TRDN: variants seen among roughly 807,000 people sequenced by gnomAD.
TRDN encodes triadin in skeletal muscle.
Under a neutral mutation model 149.7 loss-of-function variants are expected in TRDN, and 161 were observed. The ratio of observed to expected loss-of-function variants is 1.08; its 90% CI spans 0.95 to 1.23. The LOEUF is 1.23. Ranked by LOEUF, TRDN falls within the 50% of genes most tolerant of loss-of-function variation. The pLI is 0.00. For synonymous variants in TRDN, 294 were observed against 250.5 expected, an observed-to-expected ratio of 1.17 and a Z score of -1.64; for missense variants, 896 against 823.5, an observed-to-expected ratio of 1.09 and a Z score of -1.08.
chr6:123,442,721 G>A (rs1234289922), intron 10 of TRDN, among the ~76,000 whole-genome samples: 3 of 151,934 alleles, frequency 2.0e-5, no homozygotes, highest in African/African-American at 7.3e-5. Flanking sequence ...ATCTTTTTAG[G>A]TAATTTTTTA....
rs9490706 is a variant in TRDN at position 123,224,356 on chromosome 6, G to C, written c.1976-225C>G. On this transcript the variant is annotated intron_variant, in intron 38 of 40. Transcript: ENST00000334268. Reference sequence around the variant, plus strand: ...GTGCTGCACTATGGTAATCAGGCTGGTAAAGGTTACTTAGGGAAAAGGCTT... The same window carrying C: ...GTGCTGCACTATGGTAATCAGGCTGCTAAAGGTTACTTAGGGAAAAGGCTT... Among the ~76,000 whole-genome samples, 5,325 of 151,736 alleles carry C rather than the reference G, an allele frequency of 0.035. 322 individuals are homozygous for C. The highest frequency in any genetic ancestry group is 0.12 in the African/African-American group (5,086 of 41,406).
Position 123,636,896 on chromosome 6 carries a change from T to C in TRDN, c.-121A>G. ...TGTCAAAACCTGGGGGCTCTTCGTT[T>C]TCCTGGCTGTTTCTGCTGCTTCTTT... On this transcript the variant is annotated 5_prime_UTR_variant, in exon 1 of 41. Coordinates refer to ENST00000334268, the MANE Select transcript of TRDN (RefSeq NM_006073.4). 8.9e-7 allele frequency: 1 copy of C among 1,127,430 alleles called. No homozygotes were observed. The highest frequency in any genetic ancestry group is 1.3e-6 in the Non-Finnish European group (1 of 756,356). 69.8% of individuals were successfully genotyped at this position (1,127,430 alleles called of 1,614,324 possible). A position where few individuals can be genotyped will look rare whatever the true frequency, so the allele number is the denominator to read the frequency against.
intron 1 of TRDN, among the ~76,000 whole-genome samples, chr6:123,571,711 G>A (rs1045330682): frequency 1.4e-4 from 21 of 151,678 alleles, no homozygotes; most frequent in African/African-American, 7.3e-5. Context: ...TATTTTGCAC[G>A]TATATTTCTG....
At chr6:123,629,898 C>T (rs1219726362) in intron 1 of TRDN, among the ~76,000 whole-genome samples, 1 of 152,052 alleles carries the variant, frequency 6.6e-6, no homozygotes, top group Non-Finnish European at 1.5e-5. Context: ...AAATTACTAT[C>T]TGTTTGGACC....
chr6:123,515,287 A>C (rs1449689932), intron 6 of TRDN, among the ~76,000 whole-genome samples: 1 of 152,038 alleles, frequency 6.6e-6, no homozygotes, highest in Non-Finnish European at 1.5e-5. Context: ...TGAATGTGAA[A>C]TTCAGTAAAG....
At position 123,261,904 on chromosome 6, in the gene TRDN, T is replaced by A. The variant is rs75997423; in HGVS notation, c.1805-1266A>T. Among the ~76,000 whole-genome samples, 1,262 of 152,048 alleles carry A rather than the reference T, an allele frequency of 8.3e-3. 27 individuals are homozygous for A. The highest frequency in any genetic ancestry group is 0.079 in the East Asian group (410 of 5,174). On this transcript the variant is annotated intron_variant, in intron 33 of 40. Coordinates refer to ENST00000334268, the MANE Select transcript of TRDN (RefSeq NM_006073.4). Reference sequence around the variant, plus strand: ...CTGTACTTAATGTTTAAAATTGGCATTGAATCCATTATGAAGTAGCCTGTA... The same window carrying A: ...CTGTACTTAATGTTTAAAATTGGCAATGAATCCATTATGAAGTAGCCTGTA...
intron 4 of TRDN, among the ~76,000 whole-genome samples, chr6:123,536,045 C>T (rs1428826000): frequency 6.6e-6 from 1 of 152,070 alleles, no homozygotes; most frequent in Non-Finnish European, 1.5e-5. Flanking sequence ...ACTTCATTTC[C>T]TCATCCATAA....
chr6:123,327,133 T>C (rs924599839), intron 23 of TRDN, among the ~76,000 whole-genome samples: 1 of 151,884 alleles, frequency 6.6e-6, no homozygotes, highest in Non-Finnish European at 1.5e-5. Context: ...ACAAGTGTGG[T>C]TTTCCATTTA....
At chr6:123,227,674 T>C (rs1474808582) in intron 38 of TRDN, among the ~76,000 whole-genome samples, 1 of 152,008 alleles carries the variant, frequency 6.6e-6, no homozygotes, top group African/African-American at 2.4e-5. Flanking sequence ...ATTTCATATG[T>C]GTTAACACGT....
At chr6:123,252,874 T>A (rs1345625422) in intron 37 of TRDN, among the ~76,000 whole-genome samples, 1 of 152,130 alleles carries the variant, frequency 6.6e-6, no homozygotes, top group Non-Finnish European at 1.5e-5. Context: ...CACAAAATAT[T>A]TATGCTTTTA....
At chr6:123,268,479 T>C (rs1434646777) in intron 31 of TRDN, among the ~76,000 whole-genome samples, 19 of 152,096 alleles carry the variant, frequency 1.2e-4, no homozygotes, top group Admixed American at 1.2e-3. Context: ...TGGGATATCT[T>C]GAATGGGATT....
chr6:123,223,950 TA>T, intron 39 of TRDN, 142 bp downstream of exon 39: 1 of 626,602 alleles, frequency 1.6e-6, no homozygotes, highest in African/African-American at 1.9e-5. Context: ...CTGTTTGCTT[TA>T]AAAATAAGCC....
chr6:123,469,481 G>T (rs1777027647), intron 9 of TRDN, among the ~76,000 whole-genome samples: 1 of 152,152 alleles, frequency 6.6e-6, no homozygotes, highest in Non-Finnish European at 1.5e-5. Flanking sequence ...ATTAAACAAA[G>T]ACCTCTCCAA....
chr6:123,607,646 T>A (rs1374660950), intron 1 of TRDN, among the ~76,000 whole-genome samples: 1 of 152,204 alleles, frequency 6.6e-6, no homozygotes, highest in African/African-American at 2.4e-5. Context: ...ATGCTCTCCA[T>A]ATAGAAATTA....
chr6:123,359,334 T>C (rs1209684139), intron 20 of TRDN, among the ~76,000 whole-genome samples: 1 of 152,182 alleles, frequency 6.6e-6, no homozygotes, highest in South Asian at 2.1e-4. Context: ...GAAAAGGATA[T>C]AGGAGCCAGT....
intron 19 of TRDN, among the ~76,000 whole-genome samples, chr6:123,373,006 A>G (rs1294894155): frequency 7.5e-6 from 1 of 133,480 alleles, no homozygotes; most frequent in African/African-American, 2.6e-5. Context: ...CTTCATCCAC[A>G]CCACACCCTG....
At chr6:123,349,518 T>A (rs142495879) in intron 21 of TRDN, 1 of 898,924 alleles carries the variant, frequency 1.1e-6, no homozygotes, top group Admixed American at 6.2e-5. Flanking sequence ...GTCAACAGCA[T>A]GACTTAGTCA....
chr6:123,400,184 T>TATATATATAC (rs1440589796), intron 12 of TRDN, among the ~76,000 whole-genome samples: 3 of 147,292 alleles, frequency 2.0e-5, no homozygotes, highest in African/African-American at 7.4e-5. Flanking sequence ...TATATATATA[T>TATATATATAC]ATATAAACAC....
chr6:123,282,357 A>G (rs1018452786), intron 24 of TRDN, among the ~76,000 whole-genome samples: 9 of 151,930 alleles, frequency 5.9e-5, no homozygotes, highest in Non-Finnish European at 1.0e-4. Flanking sequence ...TTTATACCAA[A>G]TTTCTTCCTA....
Sources: gnomAD v4.1 joint callset for allele counts (sites outside exome capture counted in the v4.1 genomes callset) on GRCh38, gnomAD v4.1.1 for gene constraint, MANE v1.5 for transcripts, NCBI Gene and HGNC (gene_info 2026-07-23, HGNC 2026-07-21) for gene names.